The following RXYLT1 variants were observed in gnomAD, a reference collection of about 807,000 sequenced individuals.
The protein encoded by RXYLT1 is ribitol-5-phosphate xylosyltransferase 1.
Under a neutral mutation model 43.5 loss-of-function variants are expected in RXYLT1, and 41 were observed. The ratio of observed to expected loss-of-function variants is 0.94; its 90% CI spans 0.73 to 1.22. The LOEUF (loss-of-function observed/expected upper bound fraction) is 1.22. Ranked by LOEUF, RXYLT1 falls within the 50% of genes most tolerant of loss-of-function variation. The probability of loss-of-function intolerance (pLI) is 0.00; values close to 1 mark genes in which losing one functional copy is unlikely to be tolerated. For synonymous variants in RXYLT1, 166 were observed against 194.4 expected (o/e 0.85, Z 1.21); for missense variants, 514 against 532.0 (o/e 0.97, Z 0.33).
chr12:63,808,831 G>T lies in RXYLT1; in HGVS notation c.1071G>T (p.Met357Ile), dbSNP rs1454265606. ...CCATTCCTGTGGTGGAAGACGTGAT[G>T]ACAGCTGGCAACTGTGGGAATACAT... is the stretch of plus-strand genomic sequence containing the variant. Reference protein sequence around the residue: ...YGSIPVVEDVMTAGNCGNTSV... With the variant: ...YGSIPVVEDVITAGNCGNTSV... The change falls in exon 6 of 6, where the codon ATG becomes ATT. Residue 357 changes from methionine to isoleucine, a missense_variant. Physicochemically the swap from Met to Ile is conservative, Grantham distance 10. Transcript: ENST00000261234. 2 of 1,614,022 alleles carry T rather than the reference G, an allele frequency of 1.2e-6. No individual in the cohort carries two copies. The highest frequency in any genetic ancestry group is 4.5e-5 in the East Asian group (2 of 44,890).
At position 63,805,587 on chromosome 12, in the gene RXYLT1, C is replaced by T. The variant is rs570138057; in HGVS notation, c.914+183C>T. 38 of 494,002 alleles carry T rather than the reference C, an allele frequency of 7.7e-5. No homozygotes were observed. The South Asian group carries it at 7.9e-4, about 10-fold the overall frequency. 30.6% of individuals were successfully genotyped at this position (494,002 alleles called of 1,614,324 possible). A position where few individuals can be genotyped will look rare whatever the true frequency, so the allele number is the denominator to read the frequency against. On this transcript the variant is annotated intron_variant, in intron 5 of 5. Coordinates refer to ENST00000261234, the MANE Select transcript of RXYLT1 (RefSeq NM_014254.3). Reference sequence around the variant, plus strand: ...TGTACACATTTAGAATAGAGAGAACCGCCTATGACTGTAGTCCATCTTGAA... The same window carrying T: ...TGTACACATTTAGAATAGAGAGAACTGCCTATGACTGTAGTCCATCTTGAA...
intron 3 of RXYLT1, among the ~76,000 whole-genome samples, chr12:63,787,910 G>C (rs755457049): frequency 6.6e-6 from 1 of 152,168 alleles, no homozygotes; most frequent in Admixed American, 6.5e-5. Context: ...GATTACGGGC[G>C]TGAGCCATCG....
chr12:63,805,809 A>G (rs1049523848), intron 5 of RXYLT1: 2 of 155,408 alleles, frequency 1.3e-5, no homozygotes, highest in African/African-American at 4.8e-5. Context: ...ACCTGACACC[A>G]TCTTCAGGAC....
intron 4 of RXYLT1, chr12:63,804,979 A>G (rs1286223130): frequency 2.8e-6 from 1 of 353,706 alleles, no homozygotes; most frequent in Non-Finnish European, 5.0e-6. Flanking sequence ...CAAGTTAAAG[A>G]ATGTCAAAAA....
At chr12:63,795,170 C>T (rs1209479186) in intron 3 of RXYLT1, among the ~76,000 whole-genome samples, 2 of 151,938 alleles carry the variant, frequency 1.3e-5, no homozygotes. Context: ...GTCCCAGGTA[C>T]TTGCGGGGCT....
At chr12:63,803,229 G>T (rs1788259047) in intron 4 of RXYLT1, among the ~76,000 whole-genome samples, 1 of 131,914 alleles carries the variant, frequency 7.6e-6, no homozygotes, top group African/African-American at 2.8e-5. Context: ...TCTTTCTCCA[G>T]CTATAAAATG....
intron 3 of RXYLT1, among the ~76,000 whole-genome samples, chr12:63,795,291 G>C (rs914321529): frequency 6.8e-6 from 1 of 148,018 alleles, no homozygotes; most frequent in Non-Finnish European, 1.5e-5. Context: ...AAAAAAAGAA[G>C]AAGAAGAAGA....
At chr12:63,805,436 T>C (rs776096023) in intron 5 of RXYLT1, 32 bp downstream of exon 5, 21 of 1,534,776 alleles carry the variant, frequency 1.4e-5, no homozygotes, top group Non-Finnish European at 1.7e-5. Context: ...TTCATTCATT[T>C]TGTTCTCCAG....
rs1176150137 is a variant in RXYLT1, at chr12:63,780,498, C to T, written c.169+369C>T. 7 of 1,086,304 alleles carry T rather than the reference C, an allele frequency of 6.4e-6. No homozygotes were observed. In the African/African-American group the frequency reaches 1.2e-4, roughly 18 times the overall value. 67.3% of individuals were successfully genotyped at this position (1,086,304 alleles called of 1,614,324 possible). A position where few individuals can be genotyped will look rare whatever the true frequency, so the allele number is the denominator to read the frequency against. ...TCCGTTTCCATGTTGAAACAAAGCC[C>T]TCTCTAATCCTGCAGTGACCATAAG... On this transcript the variant is annotated intron_variant, in intron 1 of 5. Transcript: ENST00000261234.
At chr12:63,802,524 G>C (rs1898186797) in intron 4 of RXYLT1, 119 bp downstream of exon 4, 1 of 871,618 alleles carries the variant, frequency 1.1e-6, no homozygotes, top group South Asian at 2.4e-5. Flanking sequence ...GCCAGGTACA[G>C]TCTTTCTCAG....
chr12:63,801,260 A>G (rs997306167), intron 3 of RXYLT1, among the ~76,000 whole-genome samples: 1 of 151,898 alleles, frequency 6.6e-6, no homozygotes, highest in Non-Finnish European at 1.5e-5. Flanking sequence ...TTTTTTTAAC[A>G]TTATATTTTT....
At chr12:63,781,253 AATTT>A (rs1897677474) in intron 2 of RXYLT1, 79 bp downstream of exon 2, 3 of 1,288,118 alleles carry the variant, frequency 2.3e-6, no homozygotes, top group Non-Finnish European at 3.0e-6. Flanking sequence ...ATTTTAATAT[AATTT>A]ATTTCATAAT....
At chr12:63,795,664 T>C (rs1898016022) in intron 3 of RXYLT1, 1 of 152,046 alleles carries the variant, frequency 6.6e-6, no homozygotes, top group African/African-American at 2.4e-5. Context: ...GGTGAATTTA[T>C]AGGCTGTGTC....
chr12:63,807,422 T>G (rs1380493636), intron 5 of RXYLT1: 1 of 152,310 alleles, frequency 6.6e-6, no homozygotes, highest in Non-Finnish European at 1.5e-5. Context: ...AGCAGTCTTA[T>G]ATTTCCCTTG....
At chr12:63,781,268 T>C (rs1341083883) in intron 2 of RXYLT1, 94 bp downstream of exon 2, 1 of 1,247,768 alleles carries the variant, frequency 8.0e-7, no homozygotes, top group Non-Finnish European at 1.0e-6. Context: ...ATTTCATAAT[T>C]TGTTAATTAA....
At chr12:63,781,251 ATAAT>A (rs2136219845) in intron 2 of RXYLT1, 77 bp downstream of exon 2, 1 of 1,301,680 alleles carries the variant, frequency 7.7e-7, no homozygotes, top group East Asian at 2.9e-5. Flanking sequence ...TCATTTTAAT[ATAAT>A]TTATTTCATA....
chr12:63,808,407 C>A, intron 5 of RXYLT1: 1 of 428,536 alleles, frequency 2.3e-6, no homozygotes. Flanking sequence ...ACCTAGCACT[C>A]CCAAAGTATC....
In RXYLT1 at chr12:63,781,177, A is replaced by AAGTTTTCT; in HGVS notation, c.325+7_325+8insTTCTAGTT. The AAGTTTTCT allele has an allele frequency of 6.5e-7, 1 of 1,539,844 alleles. No individual in the cohort carries two copies. The highest frequency in any genetic ancestry group is 8.7e-7 in the Non-Finnish European group (1 of 1,146,890). ...AATCTGGGGCAAAGCTGCCATTGGT[A>AAGTTTTCT]AGTTAATACGTAGAAGGAAGACATG... On this transcript the variant is annotated splice_donor_region_variant and intron_variant, in intron 2 of 5. Transcript: ENST00000261234.
chr12:63,794,044 T>G (rs888493191), intron 3 of RXYLT1, among the ~76,000 whole-genome samples: 1 of 152,200 alleles, frequency 6.6e-6, no homozygotes, highest in Non-Finnish European at 1.5e-5. Flanking sequence ...TGGAGGGTTA[T>G]GTATAATATA....
Sources: allele counts gnomAD v4.1 joint callset (sites outside exome capture counted in the v4.1 genomes callset), GRCh38; gene constraint gnomAD v4.1.1; transcripts MANE v1.5; gene names NCBI Gene and HGNC (gene_info 2026-07-23, HGNC 2026-07-21).